GRID1: variants seen among roughly 807,000 people sequenced by gnomAD.
GRID1 encodes glutamate ionotropic receptor delta type subunit 1.
In GRID1, 28 loss-of-function variants were observed where a neutral mutation model predicts 98.0. That is an observed-to-expected ratio of 0.29 (90% CI 0.21 to 0.39). The LOEUF is 0.39. Among genes scored for constraint, GRID1 ranks in the 10% least tolerant of loss-of-function variants. The probability of loss-of-function intolerance (pLI) is 1.00; values close to 1 mark genes in which losing one functional copy is unlikely to be tolerated. For missense variants in GRID1, 1,111 were observed against 1,340.5 expected, an observed-to-expected ratio of 0.83 and a Z score of 2.67; for synonymous variants, 553 against 538.5, an observed-to-expected ratio of 1.03 and a Z score of -0.37.
chr10:86,084,064 A>T (rs1448975894), intron 4 of GRID1, among the ~76,000 whole-genome samples: 1 of 152,200 alleles, frequency 6.6e-6, no homozygotes, highest in East Asian at 1.9e-4. Flanking sequence ...TCCTGTGATC[A>T]GGCCCTGGCA....
chr10:85,632,690 T>C lies in GRID1; in HGVS notation c.2194-12657A>G, dbSNP rs1842989232. Among the ~76,000 whole-genome samples the C allele has an allele frequency of 2.6e-5, 4 of 152,262 alleles. No individual in the cohort carries two copies. The South Asian group carries it at 8.3e-4, about 32-fold the overall frequency. ...TCCCGAGTAGCTGGGACTACAGACA[T>C]GTGCCACCACACCGGGCTAATTTTG... On this transcript the variant is annotated intron_variant, in intron 13 of 15. Coordinates refer to ENST00000327946, the MANE Select transcript of GRID1 (RefSeq NM_017551.3).
In GRID1 at chr10:85,980,044, G is replaced by A. The variant is rs527841753; in HGVS notation, c.727-63805C>T. On this transcript the variant is annotated intron_variant, in intron 4 of 15. Coordinates refer to ENST00000327946, the MANE Select transcript of GRID1 (RefSeq NM_017551.3). ...TCAATGACGGTTCATTAGTCTCAGG[G>A]GAGAGAGCAAAGCCATTCCATCCTC... Among the ~76,000 whole-genome samples, 5 of 152,324 alleles carry A rather than the reference G, an allele frequency of 3.3e-5. No homozygotes were observed. The South Asian group carries it at 8.3e-4, about 25-fold the overall frequency.
At chr10:85,627,212 T>C (rs549850800) in intron 13 of GRID1, among the ~76,000 whole-genome samples, 14 of 152,274 alleles carry the variant, frequency 9.2e-5, no homozygotes, top group African/African-American at 3.1e-4. Context: ...AGTCCAACTG[T>C]ATGAGTTTAA....
chr10:86,038,670 T>C (rs1843303800), intron 4 of GRID1, among the ~76,000 whole-genome samples: 1 of 152,238 alleles, frequency 6.6e-6, no homozygotes, highest in Non-Finnish European at 1.5e-5. Context: ...GCCTCTGAAA[T>C]TCCTTTGTCT....
At chr10:86,076,946 G>T (rs1341031233) in intron 4 of GRID1, among the ~76,000 whole-genome samples, 1 of 138,820 alleles carries the variant, frequency 7.2e-6, no homozygotes, top group Non-Finnish European at 1.6e-5. Context: ...TTGGATTAGG[G>T]CTTACTCTAA....
intron 8 of GRID1, among the ~76,000 whole-genome samples, chr10:85,739,057 G>A (rs1307016401): frequency 6.6e-6 from 1 of 152,118 alleles, no homozygotes; most frequent in Non-Finnish European, 1.5e-5. Flanking sequence ...CCAGCCATCT[G>A]AAATCATTAT....
intron 4 of GRID1, among the ~76,000 whole-genome samples, chr10:86,106,238 A>T (rs1844384309): frequency 1.3e-5 from 2 of 152,264 alleles, no homozygotes; most frequent in African/African-American, 4.8e-5. Flanking sequence ...GGAAACAGTC[A>T]CAATGTCCAA....
intron 3 of GRID1, among the ~76,000 whole-genome samples, chr10:86,188,034 G>A (rs147651304): frequency 6.6e-6 from 1 of 152,300 alleles, no homozygotes; most frequent in East Asian, 1.9e-4. Flanking sequence ...GCCCTGCCCT[G>A]TCCATCCTCT....
intron 12 of GRID1, among the ~76,000 whole-genome samples, chr10:85,653,457 G>T (rs1457206071): frequency 6.6e-6 from 1 of 152,190 alleles, no homozygotes; most frequent in Non-Finnish European, 1.5e-5. Context: ...TCCTGCCAAG[G>T]AGCTGAGACA....
At chr10:85,749,352 A>G (rs1394570766) in intron 8 of GRID1, among the ~76,000 whole-genome samples, 2 of 152,146 alleles carry the variant, frequency 1.3e-5, no homozygotes, top group Non-Finnish European at 2.9e-5. Context: ...AACAGGATAG[A>G]TGTTGCCTGG....
intron 8 of GRID1, among the ~76,000 whole-genome samples, chr10:85,827,263 T>C (rs1842828234): frequency 1.3e-5 from 2 of 152,222 alleles, no homozygotes; most frequent in South Asian, 4.2e-4. Context: ...AAAAATGAAG[T>C]GGCCATTTGA....
chr10:86,245,090 G>T (rs1445683831), intron 2 of GRID1, among the ~76,000 whole-genome samples: 3 of 152,216 alleles, frequency 2.0e-5, no homozygotes, highest in African/African-American at 4.8e-5. Context: ...GATGGCGGGG[G>T]ACCTTAGGCA....
At chr10:86,127,601 T>C (rs1049043587) in intron 4 of GRID1, among the ~76,000 whole-genome samples, 1 of 152,192 alleles carries the variant, frequency 6.6e-6, no homozygotes, top group Admixed American at 6.5e-5. Flanking sequence ...CCTCTCCAGC[T>C]GAGTGCTGGA....
chr10:86,325,387 G>T (rs1848034455), intron 2 of GRID1, among the ~76,000 whole-genome samples: 3 of 152,164 alleles, frequency 2.0e-5, no homozygotes, highest in African/African-American at 4.8e-5. Context: ...TAGGGTTCCA[G>T]TCAGGAACTG....
intron 8 of GRID1, among the ~76,000 whole-genome samples, chr10:85,739,374 G>T (rs934776352): frequency 2.6e-5 from 4 of 152,076 alleles, no homozygotes; most frequent in Admixed American, 1.3e-4. Context: ...GAGCCCAGGA[G>T]ATTGAGACCA....
At chr10:86,041,921 C>A (rs1328873423) in intron 4 of GRID1, among the ~76,000 whole-genome samples, 2 of 152,188 alleles carry the variant, frequency 1.3e-5, no homozygotes, top group East Asian at 3.9e-4. Context: ...CTACTGAGGA[C>A]CCTGTCAGGC....
chr10:86,345,208 T>C (rs1848365147), intron 2 of GRID1, among the ~76,000 whole-genome samples: 1 of 152,220 alleles, frequency 6.6e-6, no homozygotes, highest in African/African-American at 2.4e-5. Context: ...GGCCTCGAGC[T>C]GCCATATGTT....
intron 4 of GRID1, among the ~76,000 whole-genome samples, chr10:86,079,853 G>A (rs568801923): frequency 1.7e-4 from 26 of 152,302 alleles, no homozygotes; most frequent in East Asian, 7.7e-4. Flanking sequence ...TTAAGCGGAC[G>A]TTATTTCCTT....
intron 2 of GRID1, among the ~76,000 whole-genome samples, chr10:86,223,128 C>T (rs1362915910): frequency 6.6e-6 from 1 of 152,112 alleles, no homozygotes; most frequent in Non-Finnish European, 1.5e-5. Flanking sequence ...CAAAATACCA[C>T]ATACTGCTCA....
Sources: gnomAD v4.1 joint callset for allele counts (sites outside exome capture counted in the v4.1 genomes callset) on GRCh38, gnomAD v4.1.1 for gene constraint, MANE v1.5 for transcripts, NCBI Gene and HGNC (gene_info 2026-07-23, HGNC 2026-07-21) for gene names.